KIRREL1: variants seen among roughly 807,000 people sequenced by gnomAD.
The protein encoded by KIRREL1 is kirre like nephrin family adhesion molecule 1.
A neutral mutation model predicts 83.3 loss-of-function variants in KIRREL1; 25 were observed. That is an observed-to-expected ratio of 0.30 (90% CI 0.22 to 0.42). The LOEUF is 0.42. Ranked by LOEUF, KIRREL1 falls within the 10% of genes least tolerant of loss-of-function variation. The probability of loss-of-function intolerance (pLI) is 1.00; values close to 1 mark genes in which losing one functional copy is unlikely to be tolerated. For missense variants in KIRREL1, 812 were observed against 1,032.3 expected (o/e 0.79, Z 2.92); for synonymous variants, 388 against 410.4 (o/e 0.95, Z 0.66).
chr1:158,022,482 C>T (rs115803657), intron 1 of KIRREL1, among the ~76,000 whole-genome samples: 2,773 of 152,306 alleles, frequency 0.018, 40 homozygotes, highest in Middle Eastern at 0.044. Context: ...TGATTCCTTA[C>T]TCCCACCCTA....
intron 1 of KIRREL1, among the ~76,000 whole-genome samples, chr1:158,069,284 A>G (rs886777033): frequency 4.7e-5 from 7 of 149,420 alleles, no homozygotes; most frequent in Non-Finnish European, 7.4e-5. Flanking sequence ...GTGTCCCTAT[A>G]AGAAGTGTAT....
chr1:158,019,844 A>G (rs1334983968), intron 1 of KIRREL1, among the ~76,000 whole-genome samples: 1 of 152,140 alleles, frequency 6.6e-6, no homozygotes, highest in Non-Finnish European at 1.5e-5. Context: ...GCTGATGGCT[A>G]TGAGAGAGGC....
At chr1:158,057,013 C>T (rs983896189) in intron 1 of KIRREL1, among the ~76,000 whole-genome samples, 12 of 152,138 alleles carry the variant, frequency 7.9e-5, no homozygotes, top group African/African-American at 2.7e-4. Context: ...TTTTTTTCAT[C>T]TTCTCCTAGG....
intron 1 of KIRREL1, among the ~76,000 whole-genome samples, chr1:158,043,082 C>T (rs1286836326): frequency 4.6e-5 from 3 of 65,058 alleles, no homozygotes; most frequent in Non-Finnish European, 7.6e-5. Context: ...AGCGAGACTC[C>T]ATCTCAAAAA....
rs143398753 is a variant in KIRREL1, at chr1:158,084,701, C to T, written c.510+122C>T. The T allele has an allele frequency of 1.1e-3, 1,063 of 1,002,620 alleles. 19 individuals carry two copies. In the East Asian group the frequency reaches 0.027, roughly 26 times the overall value. The allele number at this position is 1,002,620 out of a possible 1,614,324, so 62.1% of individuals were successfully genotyped here. A position where few individuals can be genotyped will look rare whatever the true frequency, so the allele number is the denominator to read the frequency against. On this transcript the variant is annotated intron_variant, in intron 4 of 14. Coordinates refer to ENST00000359209, the MANE Select transcript of KIRREL1 (RefSeq NM_018240.7). ...ACATGAGAGGGGTCTTAGAGGTCAT[C>T]TGGTTCAACCCTCTCATTCTACAGT... is the stretch of plus-strand genomic sequence containing the variant.
intron 1 of KIRREL1, among the ~76,000 whole-genome samples, chr1:158,019,849 A>G (rs564003435): frequency 1.3e-5 from 2 of 152,240 alleles, no homozygotes; most frequent in African/African-American, 4.8e-5. Flanking sequence ...TGGCTATGAG[A>G]GAGGCCCCAA....
intron 2 of KIRREL1, among the ~76,000 whole-genome samples, chr1:158,077,789 C>G (rs1417969783): frequency 6.6e-6 from 1 of 152,238 alleles, no homozygotes; most frequent in Non-Finnish European, 1.5e-5. Flanking sequence ...CCTGCTTCAG[C>G]TGCCCTCCTG....
At chr1:158,061,015 G>T (rs901829207) in intron 1 of KIRREL1, among the ~76,000 whole-genome samples, 2 of 152,084 alleles carry the variant, frequency 1.3e-5, no homozygotes, top group African/African-American at 4.8e-5. Context: ...CCCACTGAGG[G>T]CTGAGTTTCC....
At chr1:158,067,669 C>T (rs61818111) in intron 1 of KIRREL1, among the ~76,000 whole-genome samples, 2,691 of 152,336 alleles carry the variant, frequency 0.018, 31 homozygotes, top group Non-Finnish European at 0.027. Flanking sequence ...AGAGCCAGGA[C>T]CAGACAAGCC....
At chr1:158,039,377 A>G (rs1327526321) in intron 1 of KIRREL1, among the ~76,000 whole-genome samples, 1 of 152,214 alleles carries the variant, frequency 6.6e-6, no homozygotes, top group Admixed American at 6.5e-5. Flanking sequence ...TGCTGGATGC[A>G]TGGCATGTGC....
intron 1 of KIRREL1, among the ~76,000 whole-genome samples, chr1:158,034,198 A>T (rs1224518782): frequency 7.1e-6 from 1 of 141,156 alleles, no homozygotes; most frequent in East Asian, 2.2e-4. Flanking sequence ...TGAATCCAGG[A>T]GGCGGAGCTT....
chr1:158,025,897 C>T (rs1222491572), intron 1 of KIRREL1, among the ~76,000 whole-genome samples: 1 of 151,906 alleles, frequency 6.6e-6, no homozygotes, highest in African/African-American at 2.4e-5. Context: ...GAAATGCCCT[C>T]CCCCAGCAGA....
At chr1:158,015,333 C>T (rs148783638) in intron 1 of KIRREL1, among the ~76,000 whole-genome samples, 24 of 152,274 alleles carry the variant, frequency 1.6e-4, no homozygotes, top group African/African-American at 5.8e-4. Flanking sequence ...TGCAGCACTC[C>T]CTCGCTCCTG....
chr1:158,091,655 TG>T, intron 11 of KIRREL1, 99 bp downstream of exon 11: 1 of 1,162,136 alleles, frequency 8.6e-7, no homozygotes, highest in African/African-American at 1.5e-5. Context: ...CCCCTTCCCT[TG>T]GGCTCTGCTC....
At chr1:158,074,466 C>T (rs191694450) in intron 1 of KIRREL1, among the ~76,000 whole-genome samples, 5 of 152,254 alleles carry the variant, frequency 3.3e-5, no homozygotes, top group African/African-American at 1.2e-4. Context: ...TGGCCCTCTG[C>T]CTTAGAGGAG....
intron 1 of KIRREL1, among the ~76,000 whole-genome samples, chr1:158,029,247 G>T (rs779252764): frequency 6.6e-6 from 1 of 152,056 alleles, no homozygotes; most frequent in South Asian, 2.1e-4. Flanking sequence ...CTCTTGCCAA[G>T]GTGCCTGGGC....
intron 1 of KIRREL1, among the ~76,000 whole-genome samples, chr1:158,046,040 G>A (rs192452356): frequency 4.0e-4 from 61 of 152,330 alleles, no homozygotes; most frequent in African/African-American, 1.4e-3. Flanking sequence ...GAGCACAGGA[G>A]TGACATGGTA....
At chr1:158,057,414 C>A (rs188498765) in intron 1 of KIRREL1, among the ~76,000 whole-genome samples, 1 of 152,336 alleles carries the variant, frequency 6.6e-6, no homozygotes, top group East Asian at 1.9e-4. Context: ...CCTGTGCCTT[C>A]ATTTGTGTGC....
intron 1 of KIRREL1, among the ~76,000 whole-genome samples, chr1:158,032,445 G>A (rs771913742): frequency 6.6e-6 from 1 of 152,264 alleles, no homozygotes; most frequent in Non-Finnish European, 1.5e-5. Context: ...TTGAATGCCT[G>A]TATGAAGTTG....
Sources: gnomAD v4.1 joint callset for allele counts (sites outside exome capture counted in the v4.1 genomes callset) on GRCh38, gnomAD v4.1.1 for gene constraint, MANE v1.5 for transcripts, NCBI Gene and HGNC (gene_info 2026-07-23, HGNC 2026-07-21) for gene names.